EPSTI1: variants seen among roughly 807,000 people sequenced by gnomAD.
EPSTI1 encodes epithelial stromal interaction 1.
Under a neutral mutation model 49.9 loss-of-function variants are expected in EPSTI1, and 66 were observed. That is an observed-to-expected ratio of 1.32 (90% CI 1.08 to 1.62). EPSTI1 has a LOEUF of 1.62. EPSTI1 is among the 40% of genes most tolerant of loss of function. The probability of loss-of-function intolerance (pLI) is 0.00; values close to 1 mark genes in which losing one functional copy is unlikely to be tolerated. For missense variants in EPSTI1, 394 were observed against 365.5 expected (o/e 1.08, Z -0.64); for synonymous variants, 137 against 130.7 (o/e 1.05, Z -0.33).
At chr13:42,946,437 T>G (rs1285842268) in intron 6 of EPSTI1, among the ~76,000 whole-genome samples, 1 of 152,098 alleles carries the variant, frequency 6.6e-6, no homozygotes, top group Non-Finnish European at 1.5e-5. Flanking sequence ...GAAACAATGT[T>G]GGAAATTGTA....
At chr13:42,975,320 CT>C (rs2039860678) in intron 1 of EPSTI1, among the ~76,000 whole-genome samples, 3 of 152,198 alleles carry the variant, frequency 2.0e-5, no homozygotes, top group African/African-American at 4.8e-5. Flanking sequence ...TATACCACCC[CT>C]GATCAAGTAT....
At chr13:42,911,776 C>T (rs935997042) in intron 8 of EPSTI1, among the ~76,000 whole-genome samples, 6 of 152,160 alleles carry the variant, frequency 3.9e-5, no homozygotes, top group African/African-American at 1.4e-4. Context: ...ATTTTTATAA[C>T]AGCTGTTTCT....
chr13:42,889,017 A>G (rs1311809701), intron 10 of EPSTI1, among the ~76,000 whole-genome samples: 1 of 152,204 alleles, frequency 6.6e-6, no homozygotes, highest in Non-Finnish European at 1.5e-5. Context: ...GGGCCACGCT[A>G]CGTATGGAAT....
At chr13:42,961,611 A>C (rs1457133399) in intron 5 of EPSTI1, among the ~76,000 whole-genome samples, 1 of 152,202 alleles carries the variant, frequency 6.6e-6, no homozygotes, top group Admixed American at 6.5e-5. Flanking sequence ...TCTATTAAGG[A>C]TCAAAGAACA....
intron 1 of EPSTI1, among the ~76,000 whole-genome samples, chr13:42,987,391 A>C (rs1473016964): frequency 1.3e-5 from 2 of 152,018 alleles, no homozygotes; most frequent in Non-Finnish European, 2.9e-5. Flanking sequence ...CTGTAGACCA[A>C]AGCTCAAACG....
At chr13:42,924,073 A>T (rs1186117290) in intron 7 of EPSTI1, among the ~76,000 whole-genome samples, 1 of 152,242 alleles carries the variant, frequency 6.6e-6, no homozygotes, top group Non-Finnish European at 1.5e-5. Flanking sequence ...AATGTTCTTC[A>T]CAGAAGTGCA....
At position 42,886,495 on chromosome 13, in the gene EPSTI1, T is replaced by TTTTA. The variant is rs1259366445; in HGVS notation, c.*1995_*1998dup. The stretch of plus-strand genomic sequence containing the variant: ...TCTTACATTGGAACGATTTTCTTGT[T>TTTTA]TTTATTTTCTACAAAAAAAAAAGCG... On this transcript the variant is annotated 3_prime_UTR_variant, in exon 11 of 11. Coordinates refer to ENST00000313624, the MANE Select transcript of EPSTI1 (RefSeq NM_033255.5). The TTTTA allele has an allele frequency of 6.6e-6, 1 of 152,188 alleles. No homozygotes were observed. Among genetic ancestry groups the TTTTA allele is most frequent in the African/African-American group, 2.4e-5 (1 of 41,448 alleles). 9.4% of individuals were successfully genotyped at this position (152,188 alleles called of 1,614,324 possible). A position where few individuals can be genotyped will look rare whatever the true frequency, so the allele number is the denominator to read the frequency against.
At chr13:42,974,695 C>T (rs1264047321) in intron 1 of EPSTI1, among the ~76,000 whole-genome samples, 1 of 152,026 alleles carries the variant, frequency 6.6e-6, no homozygotes, top group Non-Finnish European at 1.5e-5. Context: ...CGAGGTCTCT[C>T]GAGTTACACA....
At chr13:42,936,582 G>C (rs998965501) in intron 6 of EPSTI1, among the ~76,000 whole-genome samples, 1 of 152,094 alleles carries the variant, frequency 6.6e-6, no homozygotes, top group Non-Finnish European at 1.5e-5. Context: ...GTATCTACCC[G>C]AACTCTACAT....
At chr13:42,939,863 C>A (rs973514934) in intron 6 of EPSTI1, among the ~76,000 whole-genome samples, 5 of 152,254 alleles carry the variant, frequency 3.3e-5, no homozygotes, top group African/African-American at 9.6e-5. Flanking sequence ...TGCAATAAAG[C>A]AAAGTGCAAT....
intron 3 of EPSTI1, among the ~76,000 whole-genome samples, 161 bp downstream of exon 3, chr13:42,968,921 TACACACACACAC>T (rs71970864): frequency 1.7e-5 from 2 of 117,614 alleles, no homozygotes; most frequent in African/African-American, 3.5e-5. Context: ...AAAAAAAAAA[TACACACACACAC>T]ACACACACAC....
intron 3 of EPSTI1, among the ~76,000 whole-genome samples, chr13:42,965,442 C>T (rs2039576723): frequency 6.6e-6 from 1 of 152,164 alleles, no homozygotes; most frequent in African/African-American, 2.4e-5. Context: ...CCGAGCGCTT[C>T]AAATTCCAAA....
chr13:42,903,153 G>T (rs973359003), intron 8 of EPSTI1, among the ~76,000 whole-genome samples: 2 of 151,888 alleles, frequency 1.3e-5, no homozygotes, highest in Non-Finnish European at 2.9e-5. Context: ...TCTGGAGTAT[G>T]ACACAAAGAC....
At chr13:42,963,494 AG>A in intron 4 of EPSTI1, 156 bp from the exon 5 acceptor site, 1 of 612,100 alleles carries the variant, frequency 1.6e-6, no homozygotes, top group South Asian at 2.1e-5. Flanking sequence ...TAGATCACAG[AG>A]AATGGCCGGG....
At chr13:42,939,209 T>A (rs550455238) in intron 6 of EPSTI1, among the ~76,000 whole-genome samples, 1 of 152,238 alleles carries the variant, frequency 6.6e-6, no homozygotes, top group Non-Finnish European at 1.5e-5. Context: ...TGATCTTCTA[T>A]CCAGACCACT....
At chr13:42,895,196 C>T (rs2037157133) in intron 9 of EPSTI1, 88 bp from the exon 10 acceptor site, 5 of 979,144 alleles carry the variant, frequency 5.1e-6, no homozygotes, top group South Asian at 3.2e-5. Context: ...TATGAACTGA[C>T]CATGGGGATA....
chr13:42,984,273 T>C (rs2040039685), intron 1 of EPSTI1, among the ~76,000 whole-genome samples: 1 of 152,216 alleles, frequency 6.6e-6, no homozygotes, highest in Non-Finnish European at 1.5e-5. Flanking sequence ...CAGGGAAGAA[T>C]ACTAGACTGA....
rs1223304190 is a variant in EPSTI1, at chr13:42,888,182, T to G, written c.*312A>C. 6.4e-7 allele frequency: 1 copy of G among 1,559,352 alleles called. No individual in the cohort carries two copies. Among genetic ancestry groups the G allele is most frequent in the African/African-American group, 1.4e-5 (1 of 73,548 alleles). The stretch of plus-strand genomic sequence containing the variant: ...AGCCTGTAGCACCCATAGCTCTGAT[T>G]AACCTGAAAGCATCAAGTGACTCCC... On this transcript the variant is annotated 3_prime_UTR_variant, in exon 11 of 11. Coordinates refer to ENST00000313624, the MANE Select transcript of EPSTI1 (RefSeq NM_033255.5).
chr13:42,960,659 G>A (rs1159252861), intron 5 of EPSTI1, among the ~76,000 whole-genome samples: 2 of 152,124 alleles, frequency 1.3e-5, no homozygotes, highest in African/African-American at 2.4e-5. Context: ...GGTATCAATG[G>A]GCTAAAATCA....
Sources: allele counts gnomAD v4.1 joint callset (sites outside exome capture counted in the v4.1 genomes callset), GRCh38; gene constraint gnomAD v4.1.1; transcripts MANE v1.5; gene names NCBI Gene and HGNC (gene_info 2026-07-23, HGNC 2026-07-21).